THBS4: variants seen among roughly 807,000 people sequenced by gnomAD.
THBS4 encodes thrombospondin 4, also known as thrombospondin-4.
In THBS4, 90 loss-of-function variants were observed where a neutral mutation model predicts 115.7. The observed-to-expected ratio is 0.78, with a 90% CI of 0.66 to 0.93. The LOEUF (loss-of-function observed/expected upper bound fraction) is 0.93. THBS4 is among the 40% of genes least tolerant of loss of function. The probability of loss-of-function intolerance (pLI) is 0.00; values close to 1 mark genes in which losing one functional copy is unlikely to be tolerated. For missense variants in THBS4, 1,087 were observed against 1,232.7 expected, an observed-to-expected ratio of 0.88 and a Z score of 1.77; for synonymous variants, 460 against 479.3, an observed-to-expected ratio of 0.96 and a Z score of 0.53.
chr5:80,073,161 G>A (rs543443531), intron 14 of THBS4, 114 bp from the exon 15 acceptor site: 38 of 1,091,260 alleles, frequency 3.5e-5, no homozygotes, highest in Non-Finnish European at 4.3e-5. Flanking sequence ...GCACCACCCC[G>A]GTTCCAGAGA....
At chr5:80,077,172 C>T in intron 16 of THBS4, 124 bp downstream of exon 16, 2 of 903,044 alleles carry the variant, frequency 2.2e-6, no homozygotes, top group Non-Finnish European at 3.3e-6. Flanking sequence ...TGCTTCTCTA[C>T]ACCCAGCTTC....
In THBS4 at chr5:80,065,423, T is replaced by C. The variant is rs1489475365; in HGVS notation, c.1140T>C (p.Ile380=). 1 of 1,613,524 alleles carries C rather than the reference T, an allele frequency of 6.2e-7. No homozygotes were observed. The highest frequency in any genetic ancestry group is 8.5e-7 in the Non-Finnish European group (1 of 1,179,832). The change falls in exon 9 of 22, where the codon ATT becomes ATC. Residue 380 remains isoleucine, a synonymous_variant. Coordinates refer to ENST00000350881, the MANE Select transcript of THBS4 (RefSeq NM_003248.6). Reference sequence around the variant, plus strand: ...TTCTGCACTAGGTCTGCACTGACATTGATGAGTGTCGAAATGGAGCGTGCG... The same window carrying C: ...TTCTGCACTAGGTCTGCACTGACATCGATGAGTGTCGAAATGGAGCGTGCG... ...AKSNKQVCTD[I]DECRNGACVP...
intron 17 of THBS4, 138 bp from the exon 18 acceptor site, chr5:80,078,783 T>G (rs1743344816): frequency 1.5e-6 from 1 of 678,598 alleles, no homozygotes; most frequent in South Asian, 2.7e-5. Flanking sequence ...ATAGAGCAAC[T>G]ATTTCAGATA....
chr5:80,022,190 G>A (rs1365329158), intron 2 of THBS4, among the ~76,000 whole-genome samples: 1 of 152,068 alleles, frequency 6.6e-6, no homozygotes, highest in African/African-American at 2.4e-5. Flanking sequence ...TTTGGCACTC[G>A]CTTTCCCTCT....
chr5:80,014,216 C>G (rs1832203637), intron 2 of THBS4, among the ~76,000 whole-genome samples: 1 of 152,166 alleles, frequency 6.6e-6, no homozygotes, highest in African/African-American at 2.4e-5. Flanking sequence ...TCAAACTTTG[C>G]TTTAAATGCT....
intron 1 of THBS4, among the ~76,000 whole-genome samples, chr5:80,037,341 T>A (rs1465659032): frequency 6.6e-6 from 1 of 152,238 alleles, no homozygotes; most frequent in African/African-American, 2.4e-5. Context: ...TCTGCAATTA[T>A]CAGGCTTAAC....
rs74646871 is a variant in THBS4 at position 79,999,595 on chromosome 5, A to G, written n.177+1168A>G. Among the ~76,000 whole-genome samples, 25 of 152,364 alleles carry G rather than the reference A, an allele frequency of 1.6e-4. No individual in the cohort carries two copies. The East Asian group carries it at 4.6e-3, about 28-fold the overall frequency. On this transcript the variant is annotated intron_variant and non_coding_transcript_variant, in intron 2 of 3. Coordinates refer to the THBS4 transcript ENST00000510218. ...CCAGATTAATAGGCTGCCATCGATA[A>G]TGAAGAACAAATAAATCCTGCCTTG...
chr5:80,003,769 A>AG (rs2151151051), intron 2 of THBS4, among the ~76,000 whole-genome samples: 1 of 152,346 alleles, frequency 6.6e-6, no homozygotes, highest in African/African-American at 2.4e-5. Flanking sequence ...CCCCCTTCTT[A>AG]TGTTACTGTA....
rs945822142 is a variant in THBS4 at position 80,077,127 on chromosome 5, G to A, written c.2086+79G>A. On this transcript the variant is annotated intron_variant, in intron 16 of 21. Coordinates refer to ENST00000350881, the MANE Select transcript of THBS4 (RefSeq NM_003248.6). ...GCACATGGGGGCACGCCTCTCTCCA[G>A]GCACCAACTCAGAATATCCCCAGCT... 5 of 1,339,272 alleles carry A rather than the reference G, an allele frequency of 3.7e-6. No homozygotes were observed. In the African/African-American group the frequency reaches 5.9e-5, roughly 16 times the overall value. The allele number at this position is 1,339,272 out of a possible 1,614,324, so 83.0% of individuals were successfully genotyped here.
rs189390118 is a variant in THBS4 at position 80,013,164 on chromosome 5, G to C, written n.177+14737G>C. The stretch of plus-strand genomic sequence containing the variant: ...TTGTTTTGTTTTGTTTTTTGACACA[G>C]AGTCTCGCTCTGTCACCCAGGCTGG... On this transcript the variant is annotated intron_variant and non_coding_transcript_variant, in intron 2 of 3. Coordinates refer to the THBS4 transcript ENST00000510218. Among the ~76,000 whole-genome samples, 17 of 152,220 alleles carry C rather than the reference G, an allele frequency of 1.1e-4. No homozygotes were observed. In the East Asian group the frequency reaches 3.3e-3, roughly 29 times the overall value.
chr5:79,995,596 A>G lies in THBS4; in HGVS notation n.82-2736A>G, dbSNP rs566069700. 1.6e-3 allele frequency among the ~76,000 whole-genome samples: 239 copies of G among 152,290 alleles called. 1 individual carries two copies. The highest frequency in any genetic ancestry group is 5.5e-3 in the African/African-American group (228 of 41,564). On this transcript the variant is annotated intron_variant and non_coding_transcript_variant, in intron 1 of 3. Coordinates refer to the THBS4 transcript ENST00000510218. The stretch of plus-strand genomic sequence containing the variant: ...GGCTATTATGAGTAAAAGTCTGAAG[A>G]TGCTGGAGAGAAGAAGGATGGGATC...
intron 1 of THBS4, among the ~76,000 whole-genome samples, chr5:80,036,378 G>C (rs1832719154): frequency 6.6e-6 from 1 of 152,150 alleles, no homozygotes; most frequent in Non-Finnish European, 1.5e-5. Flanking sequence ...GACTCCAAAA[G>C]TAGGGGGGAA....
chr5:80,020,380 A>C (rs1832344711), intron 2 of THBS4, among the ~76,000 whole-genome samples: 1 of 152,214 alleles, frequency 6.6e-6, no homozygotes, highest in Non-Finnish European at 1.5e-5. Flanking sequence ...AGGCTGAGGC[A>C]GGAGAATGGC....
rs939076975 is a variant in THBS4, at chr5:80,068,938, A to T, written c.1347+813A>T. Among the ~76,000 whole-genome samples the T allele has an allele frequency of 9.9e-5, 15 of 152,038 alleles. 1 individual carries two copies. The highest frequency in any genetic ancestry group is 8.5e-4 in the Admixed American group (13 of 15,266). On this transcript the variant is annotated intron_variant, in intron 10 of 21. Transcript: ENST00000350881. Reference sequence around the variant, plus strand: ...TCCATTCCCAAATCCAAGGATCCAGAGTCCTCAGCCTGCCATCCATTCCCA... The same window carrying T: ...TCCATTCCCAAATCCAAGGATCCAGTGTCCTCAGCCTGCCATCCATTCCCA...
chr5:80,012,973 C>T (rs949642225), intron 2 of THBS4, among the ~76,000 whole-genome samples: 5 of 152,218 alleles, frequency 3.3e-5, no homozygotes, highest in Non-Finnish European at 7.3e-5. Flanking sequence ...TCTCCTCTCC[C>T]CTGTGCCCTC....
intron 8 of THBS4, among the ~76,000 whole-genome samples, chr5:80,063,075 G>A (rs921201067): frequency 5.3e-5 from 8 of 152,182 alleles, no homozygotes; most frequent in Non-Finnish European, 1.0e-4. Context: ...GGGTCAAATC[G>A]TATTTCTAGT....
chr5:79,998,520 TAAGGAAAAAGAGACATAG>T (rs934283234), intron 2 of THBS4: 1 of 152,388 alleles, frequency 6.6e-6, no homozygotes, highest in African/African-American at 2.4e-5. Context: ...GGTGACCTTA[TAAGGAAAAAGAGACATAG>T]CAACACAGAC....
At chr5:79,993,730 G>A (rs1448538979) in intron 1 of THBS4, among the ~76,000 whole-genome samples, 2 of 152,206 alleles carry the variant, frequency 1.3e-5, no homozygotes, top group Non-Finnish European at 2.9e-5. Flanking sequence ...TAACTTGGGA[G>A]CCACAGTGCA....
At chr5:80,054,268 C>G (rs1833350938) in intron 2 of THBS4, among the ~76,000 whole-genome samples, 1 of 151,008 alleles carries the variant, frequency 6.6e-6, no homozygotes, top group Non-Finnish European at 1.5e-5. Flanking sequence ...AATCCTCCAC[C>G]TCAGTGTCCC....
Sources: allele counts gnomAD v4.1 joint callset (sites outside exome capture counted in the v4.1 genomes callset), GRCh38; gene constraint gnomAD v4.1.1; transcripts MANE v1.5; gene names NCBI Gene and HGNC (gene_info 2026-07-23, HGNC 2026-07-21).